Variants in AGPAT5 observed in about 807,000 individuals in gnomAD.
AGPAT5 encodes 1-acyl-sn-glycerol-3-phosphate acyltransferase epsilon.
In AGPAT5, 46 loss-of-function variants were observed where a neutral mutation model predicts 45.6. The observed-to-expected ratio is 1.01, with a 90% confidence interval of 0.80 to 1.29. The LOEUF (loss-of-function observed/expected upper bound fraction) is 1.29. Among genes scored for constraint, AGPAT5 ranks in the 50% most tolerant of loss-of-function variants. The pLI is 0.00. For missense variants in AGPAT5, 673 were observed against 450.7 expected (o/e 1.49, Z -4.47); for synonymous variants, 272 against 167.0 (o/e 1.63, Z -4.85).
intron 1 of AGPAT5, among the ~76,000 whole-genome samples, chr8:6,716,970 T>C (rs1370807285): frequency 6.6e-6 from 1 of 152,196 alleles, no homozygotes; most frequent in African/African-American, 2.4e-5. Flanking sequence ...AACTAGTTGA[T>C]AAGTTTTGCT....
chr8:6,735,740 A>T (rs530313016), intron 4 of AGPAT5, among the ~76,000 whole-genome samples: 1 of 152,100 alleles, frequency 6.6e-6, no homozygotes, highest in Admixed American at 6.5e-5. Flanking sequence ...TACATACTTA[A>T]TGGAAGCCGC....
intron 5 of AGPAT5, chr8:6,746,026 CGTTCTCTCTTGCTTGCTT>C (rs1349278476): frequency 2.0e-5 from 3 of 150,780 alleles, no homozygotes; most frequent in African/African-American, 7.4e-5. Flanking sequence ...TTCCCTCACT[CGTTCTCTCTTGCTTGCTT>C]GCTTTCTCTC....
chr8:6,720,046 A>T (rs528372396), intron 1 of AGPAT5, among the ~76,000 whole-genome samples: 18 of 152,300 alleles, frequency 1.2e-4, no homozygotes, highest in Admixed American at 1.2e-3. Flanking sequence ...ACTGTGAGAG[A>T]CATTCTGGGG....
At chr8:6,739,720 C>T (rs545371384) in intron 4 of AGPAT5, among the ~76,000 whole-genome samples, 7 of 152,116 alleles carry the variant, frequency 4.6e-5, no homozygotes, top group Admixed American at 2.0e-4. Context: ...TTTACTTTGT[C>T]CTTTTTAATC....
At chr8:6,728,029 G>C (rs150262233) in intron 2 of AGPAT5, among the ~76,000 whole-genome samples, 1 of 152,190 alleles carries the variant, frequency 6.6e-6, no homozygotes, top group African/African-American at 2.4e-5. Context: ...GCATAGCGCT[G>C]GATCCATGGC....
chr8:6,755,279 C>A lies in AGPAT5; in HGVS notation c.869+105C>A, dbSNP rs1314371978. On this transcript the variant is annotated intron_variant, in intron 7 of 7. Coordinates refer to ENST00000285518, the MANE Select transcript of AGPAT5 (RefSeq NM_018361.5). ...AAATGGTTATATTGTCTCAAGAATA[C>A]ATTTTATAAATTCAAATCAAATTTT... The A allele has an allele frequency of 3.3e-6, 4 of 1,225,098 alleles. No homozygotes were observed. The African/African-American group carries it at 4.8e-5, about 15-fold the overall frequency. The allele number at this position is 1,225,098 out of a possible 1,614,324, so 75.9% of individuals were successfully genotyped here. A position where few individuals can be genotyped will look rare whatever the true frequency, so the allele number is the denominator to read the frequency against.
intron 1 of AGPAT5, among the ~76,000 whole-genome samples, chr8:6,721,608 C>T (rs1165360928): frequency 6.6e-6 from 1 of 152,078 alleles, no homozygotes; most frequent in Non-Finnish European, 1.5e-5. Flanking sequence ...GTGTTTTGCC[C>T]AAGTTCTCAT....
intron 6 of AGPAT5, among the ~76,000 whole-genome samples, chr8:6,748,354 TTAAAC>T (rs1198233292): frequency 6.6e-6 from 1 of 152,158 alleles, no homozygotes; most frequent in East Asian, 1.9e-4. Flanking sequence ...GATAACTTAG[TTAAAC>T]TAACCAAACA....
chr8:6,730,665 C>T (rs2116896834), intron 2 of AGPAT5, 46 bp from the exon 3 acceptor site: 5 of 1,302,762 alleles, frequency 3.8e-6, no homozygotes, highest in Non-Finnish European at 4.4e-6. Flanking sequence ...ATAGTACAAC[C>T]TGTGAAGAGC....
intron 4 of AGPAT5, among the ~76,000 whole-genome samples, chr8:6,740,486 A>C (rs1475673505): frequency 6.8e-6 from 1 of 148,108 alleles, no homozygotes; most frequent in Non-Finnish European, 1.5e-5. Context: ...ATTATTGTTT[A>C]ATAATAATAT....
At chr8:6,712,791 G>A (rs951790379) in intron 1 of AGPAT5, among the ~76,000 whole-genome samples, 1 of 152,202 alleles carries the variant, frequency 6.6e-6, no homozygotes, top group Non-Finnish European at 1.5e-5. Flanking sequence ...AACAATAACT[G>A]TAATCGTTAT....
At chr8:6,721,213 TATA>T (rs1220761735) in intron 1 of AGPAT5, among the ~76,000 whole-genome samples, 1 of 152,208 alleles carries the variant, frequency 6.6e-6, no homozygotes, top group African/African-American at 2.4e-5. Context: ...GCAGAAATCT[TATA>T]ATGATTAACT....
chr8:6,712,150 G>C (rs1428227432), intron 1 of AGPAT5, among the ~76,000 whole-genome samples: 1 of 152,062 alleles, frequency 6.6e-6, no homozygotes, highest in Non-Finnish European at 1.5e-5. Flanking sequence ...TTTGGTCTCT[G>C]CTTTCTTTAA....
intron 1 of AGPAT5, among the ~76,000 whole-genome samples, chr8:6,721,824 G>A (rs1430809920): frequency 6.6e-6 from 1 of 152,104 alleles, no homozygotes; most frequent in African/African-American, 2.4e-5. Context: ...ATTTTTACAT[G>A]CACAGGGAAG....
chr8:6,735,280 G>T (rs994039790), intron 4 of AGPAT5, among the ~76,000 whole-genome samples: 1 of 152,194 alleles, frequency 6.6e-6, no homozygotes, highest in Non-Finnish European at 1.5e-5. Context: ...AAAGAAGGAT[G>T]TGGGCTGGGC....
intron 5 of AGPAT5, 94 bp from the exon 6 acceptor site, chr8:6,747,575 GT>G: frequency 1.7e-6 from 2 of 1,153,910 alleles, no homozygotes; most frequent in Non-Finnish European, 2.4e-6. Context: ...TCTGTTGTGT[GT>G]GTTTGAGGGA....
chr8:6,732,765 T>C (rs917875658), intron 4 of AGPAT5, 115 bp downstream of exon 4: 3 of 945,948 alleles, frequency 3.2e-6, no homozygotes, highest in Non-Finnish European at 4.6e-6. Context: ...TAATTACTAA[T>C]TCAGGGTTAT....
intron 4 of AGPAT5, among the ~76,000 whole-genome samples, chr8:6,740,072 A>G (rs553086220): frequency 6.6e-5 from 10 of 152,264 alleles, no homozygotes; most frequent in Non-Finnish European, 1.2e-4. Flanking sequence ...GAACATAATA[A>G]GTATATAAGA....
chr8:6,718,402 C>G (rs533650188), intron 1 of AGPAT5, among the ~76,000 whole-genome samples: 1 of 152,316 alleles, frequency 6.6e-6, no homozygotes, highest in South Asian at 2.1e-4. Flanking sequence ...GTCGTGACCT[C>G]ACATTTCCAA....
Sources: allele counts gnomAD v4.1 joint callset (sites outside exome capture counted in the v4.1 genomes callset), GRCh38; gene constraint gnomAD v4.1.1; transcripts MANE v1.5; gene names NCBI Gene and HGNC (gene_info 2026-07-23, HGNC 2026-07-21).